OPCML: variants seen among roughly 807,000 people sequenced by gnomAD.
OPCML encodes the protein opioid binding protein/cell adhesion molecule like, also known as opioid-binding protein/cell adhesion molecule.
Under a neutral mutation model 37.8 loss-of-function variants are expected in OPCML, and 13 were observed. The observed-to-expected ratio is 0.34, with a 90% CI of 0.22 to 0.55. OPCML has a LOEUF of 0.55. Ranked by LOEUF, OPCML falls within the 20% of genes least tolerant of loss-of-function variation. The pLI is 0.91. For missense variants in OPCML, 341 were observed against 435.6 expected (o/e 0.78, Z 1.93); for synonymous variants, 176 against 168.8 (o/e 1.04, Z -0.33).
intron 1 of OPCML, among the ~76,000 whole-genome samples, chr11:133,197,364 A>C (rs1263283733): frequency 6.6e-6 from 1 of 152,134 alleles, no homozygotes; most frequent in Non-Finnish European, 1.5e-5. Context: ...AGATCATTAA[A>C]CCTTAATATG....
chr11:132,845,402 C>T (rs1338545481), intron 2 of OPCML, among the ~76,000 whole-genome samples: 1 of 152,204 alleles, frequency 6.6e-6, no homozygotes, highest in Non-Finnish European at 1.5e-5. Flanking sequence ...CAAAGCACCA[C>T]ATTTCAAACT....
At chr11:132,974,755 A>G (rs1946418969) in intron 1 of OPCML, among the ~76,000 whole-genome samples, 1 of 152,012 alleles carries the variant, frequency 6.6e-6, no homozygotes, top group African/African-American at 2.4e-5. Context: ...ACTTCTCGAG[A>G]CTTCTCTGTA....
At chr11:133,170,959 C>T (rs1196064884) in intron 1 of OPCML, among the ~76,000 whole-genome samples, 1 of 152,176 alleles carries the variant, frequency 6.6e-6, no homozygotes, top group Non-Finnish European at 1.5e-5. Flanking sequence ...GAGCCTTAGG[C>T]AAGAGTTTCT....
intron 1 of OPCML, among the ~76,000 whole-genome samples, chr11:133,375,834 G>A (rs547008396): frequency 6.6e-6 from 1 of 152,314 alleles, no homozygotes; most frequent in African/African-American, 2.4e-5. Flanking sequence ...GCACACAGAA[G>A]TCATTGAATG....
intron 2 of OPCML, among the ~76,000 whole-genome samples, chr11:132,669,780 G>A (rs1262062704): frequency 6.6e-6 from 1 of 152,056 alleles, no homozygotes; most frequent in Admixed American, 6.5e-5. Flanking sequence ...CCAATATCCA[G>A]CCCCATTTTC....
At chr11:132,788,544 C>T (rs145087258) in intron 2 of OPCML, among the ~76,000 whole-genome samples, 67 of 152,278 alleles carry the variant, frequency 4.4e-4, no homozygotes, top group African/African-American at 1.5e-3. Context: ...CACCTCCAGA[C>T]GGCAGGTATT....
chr11:132,965,725 G>T (rs1946199379), intron 1 of OPCML, among the ~76,000 whole-genome samples: 2 of 152,076 alleles, frequency 1.3e-5, no homozygotes, highest in Admixed American at 6.6e-5. Flanking sequence ...TAGAGAGGGG[G>T]TTTCACTATG....
chr11:132,837,032 G>A (rs1941045919), intron 2 of OPCML, among the ~76,000 whole-genome samples: 1 of 152,164 alleles, frequency 6.6e-6, no homozygotes, highest in Non-Finnish European at 1.5e-5. Context: ...TAATCGGTCT[G>A]GGCTGGATGC....
intron 4 of OPCML, among the ~76,000 whole-genome samples, chr11:132,452,471 G>T (rs892235560): frequency 1.3e-5 from 2 of 150,416 alleles, no homozygotes; most frequent in Admixed American, 6.6e-5. Context: ...TGATCCACCA[G>T]CCTGCCCTCC....
At chr11:132,566,971 G>GT (rs71232598) in intron 3 of OPCML, among the ~76,000 whole-genome samples, 31,359 of 144,386 alleles carry the variant, frequency 0.22, 4,031 homozygotes, top group Non-Finnish European at 0.3. Context: ...CATCAGTTAG[G>GT]TTTTTTTTTT....
At chr11:132,964,560 C>CATAAAAT (rs1946171038) in intron 1 of OPCML, among the ~76,000 whole-genome samples, 1 of 152,108 alleles carries the variant, frequency 6.6e-6, no homozygotes. Context: ...TGTCTAGAAA[C>CATAAAAT]GTTTGTTAAG....
intron 4 of OPCML, among the ~76,000 whole-genome samples, chr11:132,466,562 G>A (rs1238234752): frequency 6.6e-6 from 1 of 151,996 alleles, no homozygotes. Context: ...AGAAACGCAT[G>A]GAAAGAACCA....
chr11:133,305,070 A>G (rs1565560954), intron 1 of OPCML, among the ~76,000 whole-genome samples: 1 of 152,128 alleles, frequency 6.6e-6, no homozygotes. Flanking sequence ...GCAGAGTCTG[A>G]TTCCTAACTT....
chr11:132,510,704 A>C (rs2096267036), intron 4 of OPCML, among the ~76,000 whole-genome samples: 1 of 152,204 alleles, frequency 6.6e-6, no homozygotes, highest in African/African-American at 2.4e-5. Context: ...TTCCCCAGCC[A>C]TGTGGAACTG....
intron 1 of OPCML, among the ~76,000 whole-genome samples, chr11:133,343,247 C>T (rs549862848): frequency 6.6e-6 from 1 of 152,240 alleles, no homozygotes; most frequent in East Asian, 1.9e-4. Flanking sequence ...TAGTCACCCG[C>T]CCCTAATCAC....
intron 1 of OPCML, among the ~76,000 whole-genome samples, chr11:133,035,234 G>A (rs1947756728): frequency 2.0e-5 from 3 of 152,298 alleles, no homozygotes; most frequent in South Asian, 2.1e-4. Flanking sequence ...TCATGTCGCC[G>A]AGGGCAGCAG....
rs1252070263 is a variant in OPCML at position 132,756,664 on chromosome 11, G to A, written c.147-99345C>T. On this transcript the variant is annotated intron_variant, in intron 2 of 7. Transcript: ENST00000524381. ...ATGTAGAAATCAAAACTATACCTCC[G>A]AAATGAGGCTCCAAAATATTGGAAA... Among the ~76,000 whole-genome samples, 8 of 152,052 alleles carry A rather than the reference G, an allele frequency of 5.3e-5. 1 individual carries two copies. The highest frequency in any genetic ancestry group is 2.1e-4 in the South Asian group (1 of 4,822).
chr11:132,925,657 AG>A (rs1192969919), intron 2 of OPCML, among the ~76,000 whole-genome samples: 2 of 152,154 alleles, frequency 1.3e-5, no homozygotes, highest in African/African-American at 4.8e-5. Context: ...CTCTGACTCC[AG>A]GGGTAGTTTC....
At chr11:133,442,064 C>A (rs544077082) in intron 1 of OPCML, among the ~76,000 whole-genome samples, 1 of 152,134 alleles carries the variant, frequency 6.6e-6, no homozygotes, top group Non-Finnish European at 1.5e-5. Context: ...AATTTTGAAG[C>A]CTTACAACCA....
Sources: gnomAD v4.1 joint callset for allele counts (sites outside exome capture counted in the v4.1 genomes callset) on GRCh38, gnomAD v4.1.1 for gene constraint, MANE v1.5 for transcripts, NCBI Gene and HGNC (gene_info 2026-07-23, HGNC 2026-07-21) for gene names.